The following FLNB variants were observed in gnomAD, a reference collection of about 807,000 sequenced individuals.
The protein encoded by FLNB is filamin-B.
Under a neutral mutation model 250.6 loss-of-function variants are expected in FLNB, and 111 were observed. The observed-to-expected ratio is 0.44, with a 90% confidence interval of 0.38 to 0.52. The LOEUF is 0.52. FLNB is among the 20% of genes least tolerant of loss of function. The pLI, the probability that FLNB is intolerant of heterozygous loss-of-function variation, is 0.00. For synonymous variants in FLNB, 1,302 were observed against 1,372.1 expected (o/e 0.95, Z 1.13); for missense variants, 2,869 against 3,447.8 (o/e 0.83, Z 4.20).
At chr3:58,091,833 C>T (rs961257780) in intron 4 of FLNB, among the ~76,000 whole-genome samples, 7 of 152,104 alleles carry the variant, frequency 4.6e-5, no homozygotes, top group Non-Finnish European at 7.4e-5. Context: ...AAAAGCCACC[C>T]GGACACCGTC....
intron 1 of FLNB, among the ~76,000 whole-genome samples, chr3:58,040,078 G>A (rs2097143892): frequency 6.6e-6 from 1 of 152,194 alleles, no homozygotes. Flanking sequence ...CTGGGAGGCA[G>A]AGGTTGCAGT....
intron 41 of FLNB, among the ~76,000 whole-genome samples, chr3:58,157,365 T>C (rs751920574): frequency 2.0e-5 from 3 of 152,212 alleles, no homozygotes; most frequent in Non-Finnish European, 2.9e-5. Context: ...AGATTGGTGA[T>C]ATCATTGGCT....
In FLNB at chr3:58,154,819, A is replaced by G. The variant is rs756764093; in HGVS notation, c.6663A>G (p.Ala2221=). The change falls in exon 40 of 46, where the codon GCA becomes GCG. Residue 2221 remains alanine (A), a synonymous_variant. Transcript: ENST00000295956. ...AGTTCAGCATTTGGACCCGGGAAGC[A>G]GGCGCTGGAGGCCTCTCCATCGCTG... ...PAEFSIWTRE[A]GAGGLSIAVE... is the part of the protein sequence containing the mutation. 1.5e-5 allele frequency: 25 copies of G among 1,613,962 alleles called. No homozygotes were observed. The highest frequency in any genetic ancestry group is 5.5e-5 in the South Asian group (5 of 91,084).
rs758198038 is a variant in FLNB, at chr3:58,169,575, C to T, written c.7418-15C>T. ...CTGGCCATTCATGCCTGTCCCCCTCCCTCCTGTATCTTAGGCCAGCGTCTA... is the reference window on the plus strand; with the variant it reads ...CTGGCCATTCATGCCTGTCCCCCTCTCTCCTGTATCTTAGGCCAGCGTCTA... On this transcript the variant is annotated splice_polypyrimidine_tract_variant and intron_variant, in intron 44 of 45. Transcript: ENST00000295956. The surrounding 1 kb of genome is among the most constrained non-coding windows in gnomAD (Gnocchi z 4.8). 3 of 1,609,586 alleles carry T rather than the reference C, an allele frequency of 1.9e-6. No homozygotes were observed. Among genetic ancestry groups the T allele is most frequent in the East Asian group, 2.2e-5 (1 of 44,874 alleles).
intron 1 of FLNB, among the ~76,000 whole-genome samples, chr3:58,049,540 A>G (rs2097159125): frequency 6.6e-6 from 1 of 152,210 alleles, no homozygotes; most frequent in Non-Finnish European, 1.5e-5. Context: ...CTTGAAAGTC[A>G]GGGCTCCAGT....
intron 1 of FLNB, among the ~76,000 whole-genome samples, chr3:58,050,767 T>C (rs1405195267): frequency 6.6e-6 from 1 of 152,192 alleles, no homozygotes; most frequent in Non-Finnish European, 1.5e-5. Context: ...TGAAATGGGG[T>C]GGCTGAGACA....
At chr3:58,019,894 G>A (rs1175290338) in intron 1 of FLNB, among the ~76,000 whole-genome samples, 2 of 152,158 alleles carry the variant, frequency 1.3e-5, no homozygotes, top group African/African-American at 2.4e-5. Flanking sequence ...TAATGTCACC[G>A]CAGGTGTGGA....
At chr3:58,035,066 A>G (rs1287301946) in intron 1 of FLNB, among the ~76,000 whole-genome samples, 4 of 152,134 alleles carry the variant, frequency 2.6e-5, no homozygotes, top group Non-Finnish European at 5.9e-5. Flanking sequence ...GGTGGAGTGG[A>G]CCTCAAGGAG....
chr3:58,106,759 G>T lies in FLNB; in HGVS notation c.1827G>T (p.Trp609Cys). The change falls in exon 12 of 46, where the codon TGG (tryptophan) becomes TGT (cysteine). Residue 609 changes from tryptophan to cysteine, a missense_variant. Coordinates refer to ENST00000295956, the MANE Select transcript of FLNB (RefSeq NM_001457.4). ...QNDGSCDVKY[W>C]PKEPGEYAVH... ...ATGGATCGTGTGATGTCAAATACTGGCCCAAGGAGCCTGGCGAATATGCTG... is the reference window on the plus strand; with the variant it reads ...ATGGATCGTGTGATGTCAAATACTGTCCCAAGGAGCCTGGCGAATATGCTG... 1 of 1,614,092 alleles carries T rather than the reference G, an allele frequency of 6.2e-7. No homozygotes were observed. The highest frequency in any genetic ancestry group is 1.3e-5 in the African/African-American group (1 of 75,022).
At chr3:58,159,505 G>T in intron 41 of FLNB, 49 bp from the exon 42 acceptor site, 2 of 1,608,680 alleles carry the variant, frequency 1.2e-6, no homozygotes, top group South Asian at 2.2e-5. Context: ...GTGTGCCACT[G>T]AGCAGGAACG....
At chr3:58,105,244 T>C in intron 11 of FLNB, 28 bp downstream of exon 11, 1 of 1,614,016 alleles carries the variant, frequency 6.2e-7, no homozygotes, top group Non-Finnish European at 8.5e-7. Flanking sequence ...ACCAGCATCT[T>C]CTGGAGGACT....
chr3:58,100,373 A>AAAAAAAAATATAT, intron 8 of FLNB, among the ~76,000 whole-genome samples: 1 of 104,386 alleles, frequency 9.6e-6, no homozygotes, highest in African/African-American at 4.6e-5. Context: ...GTAAAAAAAA[A>AAAAAAAAATATAT]ATATATATAT....
intron 24 of FLNB, 128 bp from the exon 25 acceptor site, chr3:58,130,613 G>C: frequency 1.2e-6 from 1 of 821,962 alleles, no homozygotes. Context: ...TGCACACAGT[G>C]AGGCAGGGGG....
At position 58,154,919 on chromosome 3, in the gene FLNB, C is replaced by G. The variant is rs1200088181; in HGVS notation, c.6763C>G (p.Gln2255Glu). Residue 2255 changes from glutamine (Q) to glutamate (E), a missense_variant, in exon 40 of 46, where the codon CAA becomes GAA. Gln to Glu is a conservative substitution (Grantham distance 29). Coordinates refer to ENST00000295956, the MANE Select transcript of FLNB (RefSeq NM_001457.4). ...GTCGTGCGGTGTATCTTATATTGCC[C>G]AAGAGCCTGGTATGTATTCAGGGTT... ...NGSCGVSYIA[Q>E]EPGNYEVSIK... is the part of the protein sequence containing the mutation. The G allele has an allele frequency of 6.2e-7, 1 of 1,613,960 alleles. No homozygotes were observed. Among genetic ancestry groups the G allele is most frequent in the African/African-American group, 1.3e-5 (1 of 75,032 alleles).
intron 1 of FLNB, among the ~76,000 whole-genome samples, chr3:58,048,061 G>T (rs2097156795): frequency 6.6e-6 from 1 of 152,088 alleles, no homozygotes. Context: ...ATAACATCTT[G>T]TGTAAAACTT....
chr3:58,158,834 TTAATATTTAA>T (rs2097357101), intron 41 of FLNB, among the ~76,000 whole-genome samples: 1 of 152,188 alleles, frequency 6.6e-6, no homozygotes, highest in Admixed American at 6.5e-5. Flanking sequence ...TAAATGCATA[TTAATATTTAA>T]TAATAAGCTG....
chr3:58,038,887 A>C (rs1219689176), intron 1 of FLNB, among the ~76,000 whole-genome samples: 1 of 152,148 alleles, frequency 6.6e-6, no homozygotes, highest in Non-Finnish European at 1.5e-5. Flanking sequence ...ATGTTGAACA[A>C]TGTGGTACTA....
chr3:58,061,765 A>C (rs1041655333), intron 1 of FLNB, among the ~76,000 whole-genome samples: 2 of 148,944 alleles, frequency 1.3e-5, no homozygotes, highest in African/African-American at 5.0e-5. Flanking sequence ...AAAAAAAAAA[A>C]AGTAACATAT....
chr3:58,011,407 T>A (rs953409151), intron 1 of FLNB, among the ~76,000 whole-genome samples: 2 of 152,172 alleles, frequency 1.3e-5, no homozygotes, highest in African/African-American at 4.8e-5. Context: ...AGAGTGACAT[T>A]CCTGGGTTAA....
Sources: gnomAD v4.1 joint callset for allele counts (sites outside exome capture counted in the v4.1 genomes callset) on GRCh38, gnomAD v4.1.1 for gene constraint, Gnocchi (gnomAD v3.1) non-coding constraint, MANE v1.5 for transcripts, NCBI Gene and HGNC (gene_info 2026-07-23, HGNC 2026-07-21) for gene names.